Variants in STK3 observed in about 807,000 individuals in gnomAD.
The protein encoded by STK3 is serine/threonine-protein kinase 3.
A neutral mutation model predicts 58.0 loss-of-function variants in STK3; 41 were observed. The observed-to-expected ratio is 0.71, with a 90% CI of 0.55 to 0.92. The LOEUF is 0.92. Among genes scored for constraint, STK3 ranks in the 40% least tolerant of loss-of-function variants. The pLI is 0.00. For missense variants in STK3, 479 were observed against 602.7 expected (o/e 0.79, Z 2.15); for synonymous variants, 170 against 191.0 (o/e 0.89, Z 0.91).
intron 1 of STK3, among the ~76,000 whole-genome samples, chr8:98,779,074 G>A (rs1831917711): frequency 6.6e-6 from 1 of 151,890 alleles, no homozygotes; most frequent in Non-Finnish European, 1.5e-5. Flanking sequence ...CCATCCAGCA[G>A]AATGTTTCCT....
chr8:98,683,324 A>G (rs1033586456), intron 6 of STK3, among the ~76,000 whole-genome samples: 6 of 152,062 alleles, frequency 3.9e-5, no homozygotes, highest in African/African-American at 1.4e-4. Flanking sequence ...TTTTTAATTT[A>G]TTTCATTGAT....
intron 6 of STK3, among the ~76,000 whole-genome samples, chr8:98,655,922 G>A (rs1276977863): frequency 6.6e-6 from 1 of 152,246 alleles, no homozygotes; most frequent in Non-Finnish European, 1.5e-5. Flanking sequence ...GTGGAAGTCA[G>A]TGTGGCGATT....
At chr8:98,795,357 C>T (rs1404019179) in intron 1 of STK3, among the ~76,000 whole-genome samples, 1 of 142,496 alleles carries the variant, frequency 7.0e-6, no homozygotes, top group African/African-American at 2.6e-5. Context: ...AAAAAAAAAC[C>T]TCTTGAACAA....
intron 8 of STK3, among the ~76,000 whole-genome samples, chr8:98,555,352 C>G (rs899684558): frequency 1.6e-4 from 25 of 151,982 alleles, no homozygotes; most frequent in African/African-American, 6.0e-4. Context: ...TCACAAAAGA[C>G]AAATACTTTA....
chr8:98,931,211 G>A lies in STK3; in HGVS notation c.-79+11167C>T, dbSNP rs966338579. On this transcript the variant is annotated intron_variant, in intron 1 of 1. Coordinates refer to the STK3 transcript ENST00000519420. Reference sequence around the variant, plus strand: ...AGCTGAAGTAGTTCTGCTTGTATAGGAAGGCCCCTGGGCAGTGTTTTGTCT... The same window carrying A: ...AGCTGAAGTAGTTCTGCTTGTATAGAAAGGCCCCTGGGCAGTGTTTTGTCT... Among the ~76,000 whole-genome samples the A allele has an allele frequency of 3.9e-5, 6 of 152,170 alleles. No individual in the cohort carries two copies. In the South Asian group the frequency reaches 1.0e-3, roughly 26 times the overall value.
Position 98,615,068 on chromosome 8 carries a change from A to G in STK3, c.685-18899T>C, listed in dbSNP as rs560494788. On this transcript the variant is annotated intron_variant, in intron 6 of 10. Transcript: ENST00000419617. ...GCAGACTTAAATGTCCCTGTCTGAC[A>G]GCTTTGAAGAGAGCAGTGGTTCTCC... 9.2e-3 allele frequency among the ~76,000 whole-genome samples: 1,397 copies of G among 152,126 alleles called. 18 individuals carry two copies. The highest frequency in any genetic ancestry group is 0.032 in the African/African-American group (1,320 of 41,488).
intron 3 of STK3, among the ~76,000 whole-genome samples, chr8:98,406,189 T>C (rs1342678602): frequency 6.6e-6 from 1 of 152,242 alleles, no homozygotes; most frequent in African/African-American, 2.4e-5. Context: ...AAGTATTTGC[T>C]AACTGAATAT....
intron 1 of STK3, among the ~76,000 whole-genome samples, chr8:98,923,758 A>G (rs1160683291): frequency 6.6e-6 from 1 of 152,002 alleles, no homozygotes; most frequent in African/African-American, 2.4e-5. Context: ...AAATGTGTAT[A>G]TGGAATAAAG....
intron 6 of STK3, among the ~76,000 whole-genome samples, chr8:98,618,114 C>G (rs1817921349): frequency 6.6e-6 from 1 of 151,754 alleles, no homozygotes; most frequent in Admixed American, 6.6e-5. Flanking sequence ...GCTTATCCAC[C>G]ATGATCAAGT....
rs1298545846 is a variant in STK3, at chr8:98,901,936, C to T, written c.-78-18102G>A. ...ACCCTCCTCAGAAGGACGGACTTCACATGTGCCCTCTACTTCCTTACTCCA... is the reference window on the plus strand; with the variant it reads ...ACCCTCCTCAGAAGGACGGACTTCATATGTGCCCTCTACTTCCTTACTCCA... On this transcript the variant is annotated intron_variant, in intron 1 of 1. Transcript: ENST00000519420. Among the ~76,000 whole-genome samples the T allele has an allele frequency of 2.6e-5, 4 of 152,354 alleles. No homozygotes were observed. The East Asian group carries it at 5.8e-4, about 22-fold the overall frequency.
intron 3 of STK3, among the ~76,000 whole-genome samples, chr8:98,763,426 T>C (rs972769541): frequency 5.9e-5 from 9 of 152,180 alleles, no homozygotes; most frequent in Admixed American, 3.3e-4. Flanking sequence ...TTATAGAGTA[T>C]AGAAAACAAG....
chr8:98,551,793 T>C (rs1366068536), intron 8 of STK3, among the ~76,000 whole-genome samples: 1 of 152,174 alleles, frequency 6.6e-6, no homozygotes, highest in Non-Finnish European at 1.5e-5. Context: ...CACTGCCCTA[T>C]TCTAAAATAA....
At chr8:98,464,382 G>C (rs941381566) in intron 10 of STK3, among the ~76,000 whole-genome samples, 1 of 151,700 alleles carries the variant, frequency 6.6e-6, no homozygotes, top group South Asian at 2.1e-4. Flanking sequence ...TGTTGATGGA[G>C]GCTGCCACAC....
At position 98,763,910 on chromosome 8, in the gene STK3, G is replaced by A. The variant is rs1830784130; in HGVS notation, c.236+3333C>T. ...GGCTGGTGTTGAACTCCTGACCTCA[G>A]ATGATCCACCCACCTCCGCCTCCCA... On this transcript the variant is annotated intron_variant, in intron 3 of 10. Transcript: ENST00000419617. 2.0e-5 allele frequency among the ~76,000 whole-genome samples: 3 copies of A among 152,110 alleles called. No homozygotes were observed. In the South Asian group the frequency reaches 6.2e-4, roughly 32 times the overall value.
intron 1 of STK3, among the ~76,000 whole-genome samples, chr8:98,798,254 A>C (rs1352039039): frequency 6.6e-6 from 1 of 152,208 alleles, no homozygotes; most frequent in Non-Finnish European, 1.5e-5. Flanking sequence ...AGATCCCCCA[A>C]ATGAATCCAG....
intron 1 of STK3, among the ~76,000 whole-genome samples, chr8:98,916,213 G>A (rs898381995): frequency 5.9e-5 from 9 of 152,086 alleles, no homozygotes; most frequent in Non-Finnish European, 8.8e-5. Context: ...TCAGGAGTTC[G>A]AGACCAGCCT....
At chr8:98,439,306 G>C (rs1818608008) in intron 1 of STK3, 1 of 152,180 alleles carries the variant, frequency 6.6e-6, no homozygotes, top group South Asian at 2.1e-4. Context: ...GCGGGTCCCT[G>C]TGGAGTCGAT....
intron 2 of STK3, among the ~76,000 whole-genome samples, chr8:98,377,182 C>T (rs1817684983): frequency 6.6e-6 from 1 of 152,180 alleles, no homozygotes; most frequent in South Asian, 2.1e-4. Context: ...TCTACCTTCC[C>T]TCCCAGCACC....
At chr8:98,774,577 G>A (rs1213476423) in intron 2 of STK3, among the ~76,000 whole-genome samples, 162 bp downstream of exon 2, 1 of 151,990 alleles carries the variant, frequency 6.6e-6, no homozygotes, top group Non-Finnish European at 1.5e-5. Context: ...ACCAGATTTA[G>A]CACAAACTAA....
Sources: gnomAD v4.1 joint callset for allele counts (sites outside exome capture counted in the v4.1 genomes callset) on GRCh38, gnomAD v4.1.1 for gene constraint, MANE v1.5 for transcripts, NCBI Gene and HGNC (gene_info 2026-07-23, HGNC 2026-07-21) for gene names.